The following SUMF1 variants were observed in gnomAD, a reference collection of about 807,000 sequenced individuals.
SUMF1 encodes sulfatase modifying factor 1.
A neutral mutation model predicts 47.6 loss-of-function variants in SUMF1; 48 were observed. The observed-to-expected ratio is 1.01, with a 90% CI of 0.80 to 1.28. The LOEUF is 1.28. SUMF1 is among the 50% of genes most tolerant of loss of function. The probability of loss-of-function intolerance (pLI) is 0.00; values close to 1 mark genes in which losing one functional copy is unlikely to be tolerated. For synonymous variants in SUMF1, 230 were observed against 192.1 expected (o/e 1.20, Z -1.63); for missense variants, 571 against 485.4 (o/e 1.18, Z -1.66).
At chr3:4,368,290 T>C (rs184927510) in intron 8 of SUMF1, among the ~76,000 whole-genome samples, 2 of 152,048 alleles carry the variant, frequency 1.3e-5, no homozygotes, top group African/African-American at 4.8e-5. Flanking sequence ...CAATGAGATA[T>C]CATCTCACAC....
At chr3:4,051,816 G>A (rs1695116399) in intron 9 of SUMF1, among the ~76,000 whole-genome samples, 1 of 152,108 alleles carries the variant, frequency 6.6e-6, no homozygotes. Context: ...GAAAAGACCT[G>A]GCTGTCTGAT....
At chr3:4,157,238 C>A (rs1442052861) in intron 8 of SUMF1, among the ~76,000 whole-genome samples, 2 of 151,550 alleles carry the variant, frequency 1.3e-5, no homozygotes, top group African/African-American at 4.9e-5. Flanking sequence ...AGCTCACTCA[C>A]TGCTGGGCCA....
chr3:4,101,667 A>G (rs1253591498), intron 8 of SUMF1, among the ~76,000 whole-genome samples: 1 of 152,190 alleles, frequency 6.6e-6, no homozygotes, highest in Non-Finnish European at 1.5e-5. Flanking sequence ...CAAAGAACTG[A>G]TAACTATTTG....
At chr3:4,331,754 C>A (rs923003390) in intron 8 of SUMF1, among the ~76,000 whole-genome samples, 5 of 152,160 alleles carry the variant, frequency 3.3e-5, no homozygotes, top group African/African-American at 7.2e-5. Flanking sequence ...TGCGTGAACT[C>A]AAGAGGCGGA....
intron 8 of SUMF1, among the ~76,000 whole-genome samples, chr3:4,138,864 A>G (rs1559503365): frequency 6.6e-6 from 1 of 152,050 alleles, no homozygotes; most frequent in Non-Finnish European, 1.5e-5. Flanking sequence ...GGAACCCTCA[A>G]ATTTGCAGCC....
intron 8 of SUMF1, among the ~76,000 whole-genome samples, chr3:4,079,536 T>A (rs985106150): frequency 2.6e-5 from 4 of 151,876 alleles, no homozygotes; most frequent in African/African-American, 9.7e-5. Flanking sequence ...AGGATCAAAG[T>A]CTTGCTTCAC....
intron 9 of SUMF1, among the ~76,000 whole-genome samples, chr3:4,067,972 A>G (rs571503718): frequency 2.4e-4 from 36 of 152,266 alleles, no homozygotes; most frequent in African/African-American, 8.4e-4. Context: ...AAAAGCAAAA[A>G]TATCTTGCCT....
chr3:4,419,293 A>C (rs986949762), intron 4 of SUMF1, among the ~76,000 whole-genome samples: 5 of 152,188 alleles, frequency 3.3e-5, no homozygotes, highest in African/African-American at 1.2e-4. Context: ...GAGGCTTTGA[A>C]AGATGTTTGA....
chr3:4,141,110 G>A (rs911544004), intron 8 of SUMF1, among the ~76,000 whole-genome samples: 1 of 152,094 alleles, frequency 6.6e-6, no homozygotes, highest in Non-Finnish European at 1.5e-5. Flanking sequence ...ATGAGAATAG[G>A]TCAAGTCAGT....
At chr3:4,211,103 C>CAT (rs3046240) in intron 8 of SUMF1, among the ~76,000 whole-genome samples, 3,929 of 91,356 alleles carry the variant, frequency 0.043, 257 homozygotes, top group African/African-American at 0.076. Flanking sequence ...AATAAACTCC[C>CAT]ATATATATAT....
intron 8 of SUMF1, among the ~76,000 whole-genome samples, chr3:4,217,590 G>C (rs532783732): frequency 8.9e-6 from 1 of 111,912 alleles, no homozygotes; most frequent in African/African-American, 3.4e-5. Context: ...ACAACATTTT[G>C]TATATATTTC....
chr3:4,147,869 G>C (rs1694232367), intron 8 of SUMF1, among the ~76,000 whole-genome samples: 1 of 152,052 alleles, frequency 6.6e-6, no homozygotes, highest in African/African-American at 2.4e-5. Flanking sequence ...AAGTTAGTCA[G>C]CTAGCCATTA....
intron 8 of SUMF1, among the ~76,000 whole-genome samples, chr3:4,117,646 G>C (rs1427498258): frequency 6.6e-6 from 1 of 152,148 alleles, no homozygotes; most frequent in East Asian, 1.9e-4. Context: ...TCTTTATCAA[G>C]AATGAGGACA....
intron 8 of SUMF1, among the ~76,000 whole-genome samples, chr3:4,295,444 G>C (rs1377896853): frequency 6.6e-6 from 1 of 151,676 alleles, no homozygotes; most frequent in Non-Finnish European, 1.5e-5. Context: ...AGAAAAGGCT[G>C]GTGGTGTGCC....
intron 8 of SUMF1, among the ~76,000 whole-genome samples, chr3:4,111,136 C>T (rs1328855201): frequency 1.3e-5 from 2 of 151,036 alleles, no homozygotes; most frequent in South Asian, 4.2e-4. Context: ...CAGATTGGTT[C>T]CAGGACCCCT....
chr3:4,399,079 A>C (rs1485315032), intron 7 of SUMF1, among the ~76,000 whole-genome samples: 1 of 152,118 alleles, frequency 6.6e-6, no homozygotes, highest in Non-Finnish European at 1.5e-5. Flanking sequence ...GAATATTTTG[A>C]GGATATGAGA....
intron 7 of SUMF1, among the ~76,000 whole-genome samples, 187 bp from the exon 8 acceptor site, chr3:4,376,576 C>A (rs1189130468): frequency 6.6e-6 from 1 of 152,158 alleles, no homozygotes; most frequent in African/African-American, 2.4e-5. Flanking sequence ...CCAAATCCTA[C>A]CCATCTTCTA....
intron 8 of SUMF1, chr3:4,229,271 T>A (rs957711370): frequency 2.9e-6 from 1 of 341,620 alleles, no homozygotes; most frequent in Non-Finnish European, 5.7e-6. Context: ...ACAATCATCC[T>A]CCTTCATATG....
Position 4,437,242 on chromosome 3 carries a change from G to A in SUMF1, c.519+12024C>T, listed in dbSNP as rs1215000391. On this transcript the variant is annotated intron_variant, in intron 3 of 8. Transcript: ENST00000272902. The stretch of plus-strand genomic sequence containing the variant: ...GAAAACAAATTAGAATGAAAGAGTG[G>A]ACACCAGTAATACGTAAGTTGGATA... 2.0e-5 allele frequency among the ~76,000 whole-genome samples: 3 copies of A among 152,112 alleles called. No individual in the cohort carries two copies. In the South Asian group the frequency reaches 6.2e-4, roughly 32 times the overall value.
Sources: allele counts gnomAD v4.1 joint callset (sites outside exome capture counted in the v4.1 genomes callset), GRCh38; gene constraint gnomAD v4.1.1; transcripts MANE v1.5; gene names NCBI Gene and HGNC (gene_info 2026-07-23, HGNC 2026-07-21).